PGAP1: variants seen among roughly 807,000 people sequenced by gnomAD.
The protein encoded by PGAP1 is post-GPI attachment to proteins inositol deacylase 1, also known as GPI inositol-deacylase.
In PGAP1, 76 loss-of-function variants were observed where a neutral mutation model predicts 127.0. That is an observed-to-expected ratio of 0.60 (90% CI 0.50 to 0.72). The LOEUF (loss-of-function observed/expected upper bound fraction) is 0.72, where lower values mean the gene tolerates loss of function less well. Among genes scored for constraint, PGAP1 ranks in the 30% least tolerant of loss-of-function variants. The pLI, the probability that PGAP1 is intolerant of heterozygous loss-of-function variation, is 0.00. For synonymous variants in PGAP1, 362 were observed against 366.5 expected, an observed-to-expected ratio of 0.99 and a Z score of 0.14; for missense variants, 982 against 1,071.3, an observed-to-expected ratio of 0.92 and a Z score of 1.16.
intron 20 of PGAP1, among the ~76,000 whole-genome samples, chr2:196,857,783 A>C (rs796738959): frequency 6.6e-6 from 1 of 152,308 alleles, no homozygotes; most frequent in African/African-American, 2.4e-5. Context: ...TTCTCTGAGA[A>C]CATCTGCCCA....
At chr2:196,926,291 G>C (rs978630988) in intron 1 of PGAP1, among the ~76,000 whole-genome samples, 179 bp downstream of exon 1, 1 of 151,838 alleles carries the variant, frequency 6.6e-6, no homozygotes, top group Non-Finnish European at 1.5e-5. Context: ...GACACAAAGG[G>C]GAGGTGAGGG....
chr2:196,922,094 A>G, intron 1 of PGAP1: 1 of 1,220,910 alleles, frequency 8.2e-7, no homozygotes, highest in African/African-American at 1.6e-5. Flanking sequence ...CCATATTAAG[A>G]TCAATTACCT....
Position 196,847,513 on chromosome 2 carries a change from C to T in PGAP1, c.1953-313G>A, listed in dbSNP as rs1189474922. ...TAGTTGTAATGATGGAAAAAAAGAT[C>T]TACATATTGATGCTTAACCAAAAAT... is the stretch of plus-strand genomic sequence containing the variant. On this transcript the variant is annotated intron_variant, in intron 21 of 26. Coordinates refer to ENST00000354764, the MANE Select transcript of PGAP1 (RefSeq NM_024989.4). 11 of 186,534 alleles carry T rather than the reference C, an allele frequency of 5.9e-5. No homozygotes were observed. The Admixed American group carries it at 6.6e-4, about 11-fold the overall frequency. 11.6% of individuals were successfully genotyped at this position (186,534 alleles called of 1,614,324 possible).
At chr2:196,902,332 C>T (rs1702523130) in intron 5 of PGAP1, among the ~76,000 whole-genome samples, 1 of 152,194 alleles carries the variant, frequency 6.6e-6, no homozygotes, top group Non-Finnish European at 1.5e-5. Context: ...GCCATGGTTC[C>T]TGGCCATCCT....
rs539924405 is a variant in PGAP1 at position 196,835,313 on chromosome 2, A to G, written c.*5921T>C. 8.5e-5 allele frequency: 13 copies of G among 152,140 alleles called. No individual in the cohort carries two copies. The South Asian group carries it at 2.7e-3, about 32-fold the overall frequency. The allele number at this position is 152,140 out of a possible 1,614,324, so 9.4% of individuals were successfully genotyped here. On this transcript the variant is annotated 3_prime_UTR_variant, in exon 27 of 27. Transcript: ENST00000354764. ...GACTATATAAAGAGACTGAATGGAA[A>G]TACATAAAAAACAAAAGAAATTCCA...
chr2:196,846,088 C>A, intron 22 of PGAP1, 71 bp from the exon 23 acceptor site: 3 of 867,196 alleles, frequency 3.5e-6, no homozygotes, highest in Admixed American at 6.3e-5. Flanking sequence ...AAGAAGAAAA[C>A]AATATAGTAC....
At chr2:196,847,411 G>T in intron 21 of PGAP1, 1 of 383,690 alleles carries the variant, frequency 2.6e-6, no homozygotes, top group Non-Finnish European at 4.7e-6. Flanking sequence ...CTGCATTTCA[G>T]TATAGCTTTA....
chr2:196,890,524 A>T (rs188163647), intron 10 of PGAP1, among the ~76,000 whole-genome samples: 71 of 152,344 alleles, frequency 4.7e-4, no homozygotes, highest in Non-Finnish European at 5.7e-4. Flanking sequence ...TTAAAGTACT[A>T]ATAGAAACTT....
intron 1 of PGAP1, 26 bp downstream of exon 1, chr2:196,926,444 C>T: frequency 6.2e-7 from 1 of 1,613,358 alleles, no homozygotes; most frequent in Non-Finnish European, 8.5e-7. Context: ...TTGGAGCGCC[C>T]GGCTGAGGAG....
At position 196,836,290 on chromosome 2, in the gene PGAP1, AGTTATCAACC is replaced by A. The variant is rs1451541400; in HGVS notation, c.*4934_*4943del. ...CAGAAAGTCCTGTACTTTATTTAAA[AGTTATCAACC>A]GTAGACAATTAAGACAGCTTAGAAT... is the stretch of plus-strand genomic sequence containing the variant. On this transcript the variant is annotated 3_prime_UTR_variant, in exon 27 of 27. Coordinates refer to ENST00000354764, the MANE Select transcript of PGAP1 (RefSeq NM_024989.4). 2 of 152,572 alleles carry A rather than the reference AGTTATCAACC, an allele frequency of 1.3e-5. No homozygotes were observed. Among genetic ancestry groups the A allele is most frequent in the Non-Finnish European group, 2.9e-5 (2 of 67,958 alleles). The allele number at this position is 152,572 out of a possible 1,614,324, so 9.5% of individuals were successfully genotyped here. A position where few individuals can be genotyped will look rare whatever the true frequency, so the allele number is the denominator to read the frequency against.
Position 196,895,604 on chromosome 2 carries a change from T to C in PGAP1, c.927+1527A>G, listed in dbSNP as rs144633433. On this transcript the variant is annotated intron_variant, in intron 7 of 26. Coordinates refer to ENST00000354764, the MANE Select transcript of PGAP1 (RefSeq NM_024989.4). ...AAATATACTAACTTAATACCGAATC[T>C]TGTAGCTTAAAATGTGGTAAAACAC... Among the ~76,000 whole-genome samples, 296 of 152,294 alleles carry C rather than the reference T, an allele frequency of 1.9e-3. 1 individual carries two copies. Among genetic ancestry groups the C allele is most frequent in the Non-Finnish European group, 3.7e-3 (249 of 68,004 alleles).
intron 1 of PGAP1, 103 bp from the exon 2 acceptor site, chr2:196,920,253 T>C (rs1003219551): frequency 2.0e-5 from 20 of 979,296 alleles, no homozygotes; most frequent in South Asian, 1.5e-4. Context: ...TAGTGCAATA[T>C]AAAAATATTA....
chr2:196,881,930 C>T (rs1180958415), intron 12 of PGAP1, among the ~76,000 whole-genome samples: 1 of 152,082 alleles, frequency 6.6e-6, no homozygotes, highest in Non-Finnish European at 1.5e-5. Context: ...TTGCCCATTC[C>T]TATGTCCAGA....
At position 196,872,987 on chromosome 2, in the gene PGAP1, G is replaced by T; in HGVS notation, c.1592C>A (p.Ser531Tyr). 1.9e-6 allele frequency: 2 copies of T among 1,071,066 alleles called. No individual in the cohort carries two copies. The highest frequency in any genetic ancestry group is 3.0e-5 in the South Asian group (2 of 67,178). The allele number at this position is 1,071,066 out of a possible 1,614,324, so 66.3% of individuals were successfully genotyped here. A position where few individuals can be genotyped will look rare whatever the true frequency, so the allele number is the denominator to read the frequency against. Residue 531 changes from serine (S) to tyrosine (Y), a missense_variant, in exon 17 of 27, where the codon TCT becomes TAT. Coordinates refer to ENST00000354764, the MANE Select transcript of PGAP1 (RefSeq NM_024989.4). Reference sequence around the variant, plus strand: ...TGCAATGGTTAGTGAATCTTCATAAGACCAAGGAATATGAAGTCTATAGAT... The same window carrying T: ...TGCAATGGTTAGTGAATCTTCATAATACCAAGGAATATGAAGTCTATAGAT... ...TSIYRLHIPWSYEDSLTIAQA... is the reference protein window; with the variant it reads ...TSIYRLHIPWYYEDSLTIAQA...
chr2:196,866,872 C>A lies in PGAP1; in HGVS notation c.1768-1792G>T, dbSNP rs192250709. ...TGGCCAACAAACATATGAAAAAAAT[C>A]ATCGTATGTTTTTTTCAACATCGTC... On this transcript the variant is annotated intron_variant, in intron 19 of 26. Coordinates refer to ENST00000354764, the MANE Select transcript of PGAP1 (RefSeq NM_024989.4). 5.9e-5 allele frequency among the ~76,000 whole-genome samples: 9 copies of A among 152,056 alleles called. No homozygotes were observed. In the East Asian group the frequency reaches 1.7e-3, roughly 29 times the overall value.
intron 14 of PGAP1, among the ~76,000 whole-genome samples, chr2:196,874,857 T>C (rs1248734030): frequency 6.6e-6 from 1 of 151,874 alleles, no homozygotes. Context: ...CTACAAAAAA[T>C]ACAAAAAAAT....
At chr2:196,904,793 G>C (rs1206093441) in intron 4 of PGAP1, among the ~76,000 whole-genome samples, 1 of 151,990 alleles carries the variant, frequency 6.6e-6, no homozygotes, top group African/African-American at 2.4e-5. Flanking sequence ...AAAGATACAG[G>C]CTCCACGTGG....
Position 196,880,152 on chromosome 2 carries a change from T to C in PGAP1, c.1274A>G (p.Tyr425Cys), listed in dbSNP as rs1291611574. The C allele has an allele frequency of 4.6e-6, 7 of 1,510,090 alleles. No individual in the cohort carries two copies. Among genetic ancestry groups the C allele is most frequent in the South Asian group, 2.5e-5 (2 of 79,508 alleles). 93.5% of individuals were successfully genotyped at this position (1,510,090 alleles called of 1,614,324 possible). A position where few individuals can be genotyped will look rare whatever the true frequency, so the allele number is the denominator to read the frequency against. Residue 425 changes from tyrosine to cysteine, a missense_variant and splice_region_variant, in exon 13 of 27, where the codon TAT becomes TGT. Coordinates refer to ENST00000354764, the MANE Select transcript of PGAP1 (RefSeq NM_024989.4). ...ATAGTCTTGAAGTCTTAATGTCAGA[T>C]ACTAAAATAAAAAAAAAAGAAACTA... ...WKAELLPTIK[Y>C]LTLRLQDYPS...
At chr2:196,921,547 C>G (rs1463174000) in intron 1 of PGAP1, among the ~76,000 whole-genome samples, 5 of 152,014 alleles carry the variant, frequency 3.3e-5, no homozygotes, top group African/African-American at 1.2e-4. Context: ...TATTTCCTCC[C>G]AATTTAGTAC....
Sources: gnomAD v4.1 joint callset for allele counts (sites outside exome capture counted in the v4.1 genomes callset) on GRCh38, gnomAD v4.1.1 for gene constraint, MANE v1.5 for transcripts, NCBI Gene and HGNC (gene_info 2026-07-23, HGNC 2026-07-21) for gene names.